MAP4: variants seen among roughly 807,000 people sequenced by gnomAD.
MAP4 encodes the protein microtubule-associated protein 4.
MAP4 carries 76 observed loss-of-function variants against 170.2 expected under a neutral mutation model. The observed-to-expected ratio is 0.45, with a 90% CI of 0.37 to 0.54. The LOEUF (loss-of-function observed/expected upper bound fraction) is 0.54. Ranked by LOEUF, MAP4 falls within the 20% of genes least tolerant of loss-of-function variation. The pLI, the probability that MAP4 is intolerant of heterozygous loss-of-function variation, is 0.00. For missense variants in MAP4, 2,506 were observed against 2,748.0 expected (o/e 0.91, Z 1.97); for synonymous variants, 909 against 994.5 (o/e 0.91, Z 1.62).
At chr3:48,002,431 A>C (rs2100099707) in intron 1 of MAP4, among the ~76,000 whole-genome samples, 1 of 152,060 alleles carries the variant, frequency 6.6e-6, no homozygotes, top group Middle Eastern at 3.4e-3. Context: ...GTACGGTGGC[A>C]TACACTTATA....
chr3:47,965,363 A>G (rs2100074226), intron 3 of MAP4, among the ~76,000 whole-genome samples: 1 of 152,214 alleles, frequency 6.6e-6, no homozygotes, highest in Non-Finnish European at 1.5e-5. Context: ...TACAAACATG[A>G]GTGTACAAAT....
At chr3:47,901,721 TAAAG>T (rs2100030114) in intron 10 of MAP4, among the ~76,000 whole-genome samples, 1 of 151,936 alleles carries the variant, frequency 6.6e-6, no homozygotes, top group African/African-American at 2.4e-5. Flanking sequence ...CTCCATATCT[TAAAG>T]AAATAACTAT....
At chr3:48,061,791 G>A (rs1199311076) in intron 1 of MAP4, among the ~76,000 whole-genome samples, 1 of 151,644 alleles carries the variant, frequency 6.6e-6, no homozygotes, top group Non-Finnish European at 1.5e-5. Context: ...CGGGAGGGAG[G>A]TGGGGGGCAG....
chr3:47,906,806 A>C (rs1342751231), intron 9 of MAP4, among the ~76,000 whole-genome samples: 3 of 151,200 alleles, frequency 2.0e-5, no homozygotes, highest in Non-Finnish European at 4.4e-5. Context: ...AAAAAAAAAA[A>C]CAAAAAAAAG....
chr3:47,892,683 G>A, intron 10 of MAP4: 1 of 1,372,012 alleles, frequency 7.3e-7, no homozygotes. Flanking sequence ...AAGAAAGAAA[G>A]GAAGAATGAA....
chr3:48,075,644 GACA>G (rs2100143452), intron 1 of MAP4, among the ~76,000 whole-genome samples: 1 of 151,894 alleles, frequency 6.6e-6, no homozygotes, highest in African/African-American at 2.4e-5. Context: ...CTGGTTCAAG[GACA>G]ACTAGATATC....
chr3:47,872,258 A>G (rs1227317666), intron 12 of MAP4, among the ~76,000 whole-genome samples, 158 bp from the exon 13 acceptor site: 1 of 152,170 alleles, frequency 6.6e-6, no homozygotes, highest in Non-Finnish European at 1.5e-5. Flanking sequence ...ATCTCGGCTC[A>G]CTGCAGCCTC....
At chr3:47,943,081 C>A (rs2100057538) in intron 3 of MAP4, among the ~76,000 whole-genome samples, 1 of 151,998 alleles carries the variant, frequency 6.6e-6, no homozygotes, top group East Asian at 1.9e-4. Context: ...CCACTGTATT[C>A]CTGGGCAACA....
At position 47,910,368 on chromosome 3, in the gene MAP4, T is replaced by C. The variant is rs926391600; in HGVS notation, c.4053A>G (p.Arg1351=). Residue 1351 remains arginine (R), a synonymous_variant, in exon 9 of 21, where the codon AGA becomes AGG. Coordinates refer to ENST00000683076, the MANE Select transcript of MAP4 (RefSeq NM_001385682.1). ...TTGGTTTGTCAGCCACTGCAGTGTA[T>C]CTATTGGCTGCATCTGTCTTATTCT... ...SEENKTDAAN[R]YTAVADKPSK... 1 of 1,538,060 alleles carries C rather than the reference T, an allele frequency of 6.5e-7. No homozygotes were observed.
At chr3:47,927,494 A>G (rs2100046713) in intron 4 of MAP4, among the ~76,000 whole-genome samples, 1 of 151,724 alleles carries the variant, frequency 6.6e-6, no homozygotes, top group African/African-American at 2.4e-5. Context: ...TTTGTTTTTG[A>G]GATGGAGTTT....
chr3:47,890,055 T>C (rs933174837), intron 10 of MAP4, among the ~76,000 whole-genome samples: 3 of 151,836 alleles, frequency 2.0e-5, no homozygotes, highest in African/African-American at 4.8e-5. Context: ...GAGTAATAAA[T>C]ATTAGAGAAA....
chr3:47,886,342 C>T (rs192672514), intron 10 of MAP4, among the ~76,000 whole-genome samples: 40 of 152,238 alleles, frequency 2.6e-4, no homozygotes, highest in South Asian at 8.3e-4. Flanking sequence ...GATCTATCTC[C>T]CAGGCTGGAG....
intron 2 of MAP4, among the ~76,000 whole-genome samples, chr3:47,984,529 A>G (rs1185653495): frequency 2.0e-5 from 3 of 152,156 alleles, no homozygotes; most frequent in Non-Finnish European, 4.4e-5. Flanking sequence ...AAGGAGAAAA[A>G]TATAAATTTT....
intron 3 of MAP4, among the ~76,000 whole-genome samples, chr3:47,948,012 T>C (rs2100061255): frequency 6.6e-6 from 1 of 151,664 alleles, no homozygotes. Flanking sequence ...TCTTTTTTTT[T>C]TTGTCATGGA....
At chr3:48,047,095 A>AAAATAAATAAAT (rs373688704) in intron 1 of MAP4, among the ~76,000 whole-genome samples, 1,832 of 142,820 alleles carry the variant, frequency 0.013, 17 homozygotes, top group African/African-American at 0.021. Context: ...CTCCGTCTCA[A>AAAATAAATAAAT]AAATAAATAA....
chr3:47,944,624 C>T (rs1345169066), intron 3 of MAP4, among the ~76,000 whole-genome samples: 4 of 151,926 alleles, frequency 2.6e-5, no homozygotes, highest in African/African-American at 9.7e-5. Context: ...AGCAAATATG[C>T]CCTTTATCAC....
intron 1 of MAP4, among the ~76,000 whole-genome samples, chr3:48,087,743 G>GCACACA (rs1211603666): frequency 8.4e-4 from 57 of 68,048 alleles, no homozygotes; most frequent in African/African-American, 2.9e-3. Context: ...ACACACGCAC[G>GCACACA]CGCACACACA....
chr3:47,863,341 C>T (rs1249666541), intron 17 of MAP4, among the ~76,000 whole-genome samples: 1 of 152,212 alleles, frequency 6.6e-6, no homozygotes, highest in Non-Finnish European at 1.5e-5. Flanking sequence ...CACCTCTAGG[C>T]TACAGCTCTC....
intron 1 of MAP4, among the ~76,000 whole-genome samples, chr3:48,050,824 G>C (rs977724752): frequency 6.6e-6 from 1 of 150,858 alleles, no homozygotes; most frequent in African/African-American, 2.4e-5. Context: ...AGAATCGCTT[G>C]AACCCAGGAG....
Sources: allele counts gnomAD v4.1 joint callset (sites outside exome capture counted in the v4.1 genomes callset), GRCh38; gene constraint gnomAD v4.1.1; transcripts MANE v1.5; gene names NCBI Gene and HGNC (gene_info 2026-07-23, HGNC 2026-07-21).